The following FMN1 variants were observed in gnomAD, a reference collection of about 807,000 sequenced individuals.
FMN1 encodes the protein formin 1.
In FMN1, 110 loss-of-function variants were observed where a neutral mutation model predicts 132.4. That is an observed-to-expected ratio of 0.83 (90% CI 0.71 to 0.97). FMN1 has a LOEUF of 0.97. Ranked by LOEUF, FMN1 falls within the 50% of genes least tolerant of loss-of-function variation. The pLI is 0.00. For missense variants in FMN1, 1,792 were observed against 1,705.3 expected, an observed-to-expected ratio of 1.05 and a Z score of -0.90; for synonymous variants, 722 against 651.7, an observed-to-expected ratio of 1.11 and a Z score of -1.64.
intron 19 of FMN1, among the ~76,000 whole-genome samples, chr15:32,783,419 T>C (rs2056735684): frequency 6.6e-6 from 1 of 152,130 alleles, no homozygotes; most frequent in Admixed American, 6.5e-5. Flanking sequence ...TCATGTCCTC[T>C]GATGTTCTTG....
At chr15:32,853,131 G>A (rs1012670253) in intron 17 of FMN1, among the ~76,000 whole-genome samples, 3 of 152,154 alleles carry the variant, frequency 2.0e-5, no homozygotes, top group African/African-American at 7.2e-5. Context: ...AAGGTGATTT[G>A]TTCCCCATGG....
chr15:33,055,139 C>G (rs1458925146), intron 6 of FMN1, among the ~76,000 whole-genome samples: 1 of 152,086 alleles, frequency 6.6e-6, no homozygotes, highest in Non-Finnish European at 1.5e-5. Context: ...CATCTATAAT[C>G]TATTCTCTCT....
chr15:33,067,411 C>T, intron 5 of FMN1: 2 of 1,614,042 alleles, frequency 1.2e-6, no homozygotes, highest in South Asian at 2.2e-5. Context: ...TGCTTCCCTC[C>T]TCTGGCTCCT....
intron 17 of FMN1, among the ~76,000 whole-genome samples, chr15:32,835,262 A>G (rs886904441): frequency 6.6e-6 from 1 of 152,252 alleles, no homozygotes; most frequent in African/African-American, 2.4e-5. Flanking sequence ...AGATACAATG[A>G]AAACTGATTT....
Position 32,769,341 on chromosome 15 carries a change from G to C in FMN1, c.*4969C>G, listed in dbSNP as rs1454901021. ...AACAAAGCATTGATCTGGAAGTTCA[G>C]TAGATTGCCCATTCCTTGGGAAGGG... On this transcript the variant is annotated 3_prime_UTR_variant, in exon 21 of 21. Transcript: ENST00000616417. 3 of 152,198 alleles carry C rather than the reference G, an allele frequency of 2.0e-5. No homozygotes were observed. The highest frequency in any genetic ancestry group is 4.4e-5 in the Non-Finnish European group (3 of 68,040). The allele number at this position is 152,198 out of a possible 1,614,324, so 9.4% of individuals were successfully genotyped here. A position where few individuals can be genotyped will look rare whatever the true frequency, so the allele number is the denominator to read the frequency against.
intron 9 of FMN1, among the ~76,000 whole-genome samples, chr15:32,938,294 C>T (rs958954846): frequency 6.6e-6 from 1 of 151,962 alleles, no homozygotes; most frequent in Non-Finnish European, 1.5e-5. Context: ...CTTGAGAGGT[C>T]GAGGTGGGTG....
intron 3 of FMN1, among the ~76,000 whole-genome samples, chr15:33,167,151 C>T (rs1965140809): frequency 6.6e-6 from 1 of 152,166 alleles, no homozygotes; most frequent in South Asian, 2.1e-4. Context: ...CCACCCAAAT[C>T]TCACCTTGAA....
intron 17 of FMN1, among the ~76,000 whole-genome samples, chr15:32,817,961 T>C (rs1288403511): frequency 1.3e-5 from 2 of 152,266 alleles, no homozygotes; most frequent in Non-Finnish European, 2.9e-5. Context: ...CCCTGCTTTT[T>C]ATCAAACCTT....
At chr15:33,082,591 G>T (rs2038526018) in intron 5 of FMN1, among the ~76,000 whole-genome samples, 1 of 152,074 alleles carries the variant, frequency 6.6e-6, no homozygotes, top group Non-Finnish European at 1.5e-5. Flanking sequence ...AGGCCCCAGT[G>T]CTTCTCTAGT....
At chr15:33,039,955 G>C (rs1325575528) in intron 6 of FMN1, among the ~76,000 whole-genome samples, 2 of 152,106 alleles carry the variant, frequency 1.3e-5, no homozygotes, top group Admixed American at 6.5e-5. Flanking sequence ...TTCTAGAGGA[G>C]TCTTACAGTG....
chr15:33,100,586 C>T (rs1431573567), intron 4 of FMN1, among the ~76,000 whole-genome samples: 1 of 152,110 alleles, frequency 6.6e-6, no homozygotes, highest in Non-Finnish European at 1.5e-5. Flanking sequence ...AGAGGTCTTA[C>T]GGCCCACAAA....
rs146486640 is a variant in FMN1, at chr15:33,181,042, T to C, written c.-196-780A>G. On this transcript the variant is annotated intron_variant, in intron 2 of 20. Coordinates refer to ENST00000616417, the MANE Select transcript of FMN1 (RefSeq NM_001277313.2). ...CTGGGATTACAGGCATGAGCCACCA[T>C]GCCCGGCCTCTCCTGCTCTTAAGGC... Among the ~76,000 whole-genome samples, 980 of 152,318 alleles carry C rather than the reference T, an allele frequency of 6.4e-3. 7 individuals are homozygous for C. The highest frequency in any genetic ancestry group is 0.023 in the African/African-American group (937 of 41,578).
intron 19 of FMN1, 117 bp downstream of exon 19, chr15:32,798,687 A>T (rs1251119395): frequency 5.2e-6 from 5 of 970,774 alleles, no homozygotes; most frequent in Non-Finnish European, 7.4e-6. Context: ...TTCCCCTATG[A>T]CCACTTCATC....
intron 4 of FMN1, among the ~76,000 whole-genome samples, chr15:33,144,460 C>A (rs952716111): frequency 1.1e-4 from 17 of 151,858 alleles, no homozygotes; most frequent in Admixed American, 9.2e-4. Context: ...CACGGTGAAA[C>A]CCCCATCTCC....
At chr15:32,789,738 C>A (rs556703753) in intron 19 of FMN1, among the ~76,000 whole-genome samples, 1 of 152,316 alleles carries the variant, frequency 6.6e-6, no homozygotes, top group Admixed American at 6.5e-5. Flanking sequence ...AATCCTGCAA[C>A]CTCCATTCAT....
intron 4 of FMN1, chr15:33,151,006 G>A (rs775362696): frequency 7.7e-5 from 87 of 1,133,104 alleles, no homozygotes; most frequent in Middle Eastern, 3.9e-4. Flanking sequence ...CTGGAAGCAG[G>A]AAACTTCTCC....
chr15:32,971,260 T>TG (rs2031765851), intron 7 of FMN1, among the ~76,000 whole-genome samples: 1 of 152,270 alleles, frequency 6.6e-6, no homozygotes, highest in South Asian at 2.1e-4. Flanking sequence ...CTAATGCTAA[T>TG]GCTAATAGCA....
intron 7 of FMN1, among the ~76,000 whole-genome samples, chr15:32,971,307 A>G (rs1229010381): frequency 2.6e-5 from 4 of 152,210 alleles, no homozygotes; most frequent in African/African-American, 9.6e-5. Context: ...TATTTTTTAA[A>G]ATTTTCAGAC....
chr15:33,000,964 A>G (rs145662605), intron 7 of FMN1, among the ~76,000 whole-genome samples: 217 of 152,314 alleles, frequency 1.4e-3, no homozygotes, highest in African/African-American at 4.3e-3. Flanking sequence ...TACAGCAGGA[A>G]GATCACAGAC....
Sources: allele counts gnomAD v4.1 joint callset (sites outside exome capture counted in the v4.1 genomes callset), GRCh38; gene constraint gnomAD v4.1.1; transcripts MANE v1.5; gene names NCBI Gene and HGNC (gene_info 2026-07-23, HGNC 2026-07-21).